The following L3MBTL4 variants were observed in gnomAD, a reference collection of about 807,000 sequenced individuals.
L3MBTL4 encodes lethal(3)malignant brain tumor-like protein 4.
Under a neutral mutation model 84.5 loss-of-function variants are expected in L3MBTL4, and 70 were observed. The observed-to-expected ratio is 0.83, with a 90% CI of 0.68 to 1.01. The LOEUF (loss-of-function observed/expected upper bound fraction) is 1.01, where lower values mean the gene tolerates loss of function less well. Ranked by LOEUF, L3MBTL4 falls within the 50% of genes least tolerant of loss-of-function variation. L3MBTL4 has a pLI of 0.00. For missense variants in L3MBTL4, 715 were observed against 754.8 expected (o/e 0.95, Z 0.62); for synonymous variants, 274 against 259.8 (o/e 1.05, Z -0.52).
At chr18:6,046,642 C>G in intron 16 of L3MBTL4, 1 of 676,266 alleles carries the variant, frequency 1.5e-6, no homozygotes, top group Non-Finnish European at 2.7e-6. Context: ...AAAACTTGCA[C>G]CTGAATGACT....
intron 4 of L3MBTL4, 125 bp downstream of exon 4, chr18:6,301,774 CTGAA>C: frequency 2.6e-6 from 2 of 759,094 alleles, no homozygotes; most frequent in Non-Finnish European, 4.7e-6. Flanking sequence ...ATGCAATACC[CTGAA>C]TAAATGGTAG....
At chr18:6,101,392 C>T (rs770656487) in intron 14 of L3MBTL4, among the ~76,000 whole-genome samples, 14 of 152,238 alleles carry the variant, frequency 9.2e-5, no homozygotes, top group Non-Finnish European at 7.4e-5. Flanking sequence ...AAAAATATGT[C>T]TATTCCCCTT....
intron 4 of L3MBTL4, among the ~76,000 whole-genome samples, chr18:6,272,107 C>G (rs1020489055): frequency 4.6e-5 from 7 of 152,120 alleles, no homozygotes; most frequent in African/African-American, 7.2e-5. Context: ...CTCAGTTCTT[C>G]CGTTGAGGGA....
At chr18:6,358,827 G>A (rs1358810157) in intron 1 of L3MBTL4, among the ~76,000 whole-genome samples, 1 of 152,228 alleles carries the variant, frequency 6.6e-6, no homozygotes, top group East Asian at 1.9e-4. Context: ...AGAGGAATGA[G>A]CAGAAGCACT....
At chr18:6,033,063 C>T (rs993841644) in intron 16 of L3MBTL4, among the ~76,000 whole-genome samples, 4 of 152,148 alleles carry the variant, frequency 2.6e-5, no homozygotes, top group Admixed American at 6.5e-5. Flanking sequence ...CCTCTATTTC[C>T]TTATGTATGT....
chr18:6,277,432 C>T (rs2049134805), intron 4 of L3MBTL4, among the ~76,000 whole-genome samples: 1 of 152,168 alleles, frequency 6.6e-6, no homozygotes, highest in African/African-American at 2.4e-5. Context: ...CCATCTTTCT[C>T]GTATATTACA....
rs111981945 is a variant in L3MBTL4 at position 6,189,314 on chromosome 18, C to A, written c.982-17372G>T. Among the ~76,000 whole-genome samples the A allele has an allele frequency of 8.0e-3, 1,223 of 152,268 alleles. 17 individuals are homozygous for A. The highest frequency in any genetic ancestry group is 0.028 in the African/African-American group (1,169 of 41,540). Reference sequence around the variant, plus strand: ...TTAACTTAATTAAATCTTCAAATATCATTTTCTCAAATAAAGTCACAATCA... The same window carrying A: ...TTAACTTAATTAAATCTTCAAATATAATTTTCTCAAATAAAGTCACAATCA... On this transcript the variant is annotated intron_variant, in intron 12 of 18. Transcript: ENST00000317931.
At chr18:6,231,281 C>T (rs1057113348) in intron 10 of L3MBTL4, among the ~76,000 whole-genome samples, 11 of 152,144 alleles carry the variant, frequency 7.2e-5, no homozygotes, top group Non-Finnish European at 1.6e-4. Context: ...GGTCCAGCTT[C>T]AATCTTCTGT....
intron 16 of L3MBTL4, among the ~76,000 whole-genome samples, chr18:6,057,202 T>C (rs556199583): frequency 6.2e-4 from 94 of 152,238 alleles, no homozygotes; most frequent in Non-Finnish European, 7.5e-4. Context: ...CTAATTTTTG[T>C]ATTTTTAGTA....
chr18:5,999,668 G>T (rs911649828), intron 16 of L3MBTL4, among the ~76,000 whole-genome samples: 1 of 152,134 alleles, frequency 6.6e-6, no homozygotes, highest in African/African-American at 2.4e-5. Context: ...GAAACTAGAA[G>T]GCAGATAAAT....
chr18:5,972,213 G>A lies in L3MBTL4; in HGVS notation c.1445-2651C>T, dbSNP rs549223895. The stretch of plus-strand genomic sequence containing the variant: ...TTCTGGGAAATGCTTGCCAGAATCT[G>A]TTATATGTTGAACACAGATAATGTT... On this transcript the variant is annotated intron_variant, in intron 16 of 18. Transcript: ENST00000317931. Among the ~76,000 whole-genome samples, 3 of 152,280 alleles carry A rather than the reference G, an allele frequency of 2.0e-5. No homozygotes were observed. The East Asian group carries it at 5.8e-4, about 29-fold the overall frequency.
At chr18:6,002,713 G>T (rs185255659) in intron 16 of L3MBTL4, among the ~76,000 whole-genome samples, 3 of 151,886 alleles carry the variant, frequency 2.0e-5, no homozygotes, top group African/African-American at 7.2e-5. Flanking sequence ...ACTGAAAAAG[G>T]AATTTCAAAT....
intron 17 of L3MBTL4, among the ~76,000 whole-genome samples, chr18:5,965,485 T>G (rs1433327095): frequency 6.6e-6 from 1 of 152,146 alleles, no homozygotes; most frequent in East Asian, 1.9e-4. Flanking sequence ...AAACACCCAG[T>G]GCTGACAAAG....
At chr18:5,998,169 GGT>G (rs1933328087) in intron 16 of L3MBTL4, among the ~76,000 whole-genome samples, 1 of 152,136 alleles carries the variant, frequency 6.6e-6, no homozygotes. Flanking sequence ...TCATCCATTA[GGT>G]GGCCAGGTAT....
chr18:6,164,623 A>G lies in L3MBTL4; in HGVS notation c.1096+7205T>C, dbSNP rs1014250272. On this transcript the variant is annotated intron_variant, in intron 13 of 18. Transcript: ENST00000317931. ...AACAGACTTGCAGCTGAGGGTCCTGACCATTAGAAGGAAAACTAACAAAAA... is the reference window on the plus strand; with the variant it reads ...AACAGACTTGCAGCTGAGGGTCCTGGCCATTAGAAGGAAAACTAACAAAAA... Among the ~76,000 whole-genome samples the G allele has an allele frequency of 2.0e-5, 3 of 152,228 alleles. No homozygotes were observed. The East Asian group carries it at 5.8e-4, about 29-fold the overall frequency.
At chr18:6,190,701 A>G (rs2045036222) in intron 12 of L3MBTL4, among the ~76,000 whole-genome samples, 1 of 152,208 alleles carries the variant, frequency 6.6e-6, no homozygotes, top group African/African-American at 2.4e-5. Context: ...AAATAATATC[A>G]AATAAGTGAA....
intron 12 of L3MBTL4, among the ~76,000 whole-genome samples, chr18:6,187,814 T>G (rs1234308769): frequency 6.6e-6 from 1 of 151,558 alleles, no homozygotes; most frequent in African/African-American, 2.4e-5. Flanking sequence ...ATGTCAGAAG[T>G]CTAAATTATT....
chr18:6,385,013 A>G (rs2054758385), intron 1 of L3MBTL4, among the ~76,000 whole-genome samples: 1 of 152,210 alleles, frequency 6.6e-6, no homozygotes, highest in African/African-American at 2.4e-5. Context: ...AAAAAAGAGA[A>G]GTAGATGATA....
chr18:6,410,121 G>C (rs1476852515), intron 1 of L3MBTL4, among the ~76,000 whole-genome samples: 1 of 152,134 alleles, frequency 6.6e-6, no homozygotes, highest in African/African-American at 2.4e-5. Flanking sequence ...TCTTCCAGAG[G>C]CCTCCAGCCA....
Sources: allele counts gnomAD v4.1 joint callset (sites outside exome capture counted in the v4.1 genomes callset), GRCh38; gene constraint gnomAD v4.1.1; transcripts MANE v1.5; gene names NCBI Gene and HGNC (gene_info 2026-07-23, HGNC 2026-07-21).